The following KALRN variants were observed in gnomAD, a reference collection of about 807,000 sequenced individuals.
The protein encoded by KALRN is kalirin.
Under a neutral mutation model 353.7 loss-of-function variants are expected in KALRN, and 70 were observed. The ratio of observed to expected loss-of-function variants is 0.20; its 90% CI spans 0.16 to 0.24. The LOEUF is 0.24. Ranked by LOEUF, KALRN falls within the 10% of genes least tolerant of loss-of-function variation. The pLI is 1.00. For synonymous variants in KALRN, 1,391 were observed against 1,434.8 expected, an observed-to-expected ratio of 0.97 and a Z score of 0.69; for missense variants, 2,791 against 3,756.7, an observed-to-expected ratio of 0.74 and a Z score of 6.72.
intron 43 of KALRN, among the ~76,000 whole-genome samples, chr3:124,660,041 C>T (rs575499959): frequency 6.6e-6 from 1 of 152,068 alleles, no homozygotes; most frequent in East Asian, 1.9e-4. Context: ...AAGCGATTCT[C>T]CCTTCTCAGC....
chr3:124,726,062 A>C lies in KALRN; in HGVS notation c.*6592A>C, dbSNP rs999854906. On this transcript the variant is annotated 3_prime_UTR_variant, in exon 60 of 60. Transcript: ENST00000682506. Reference sequence around the variant, plus strand: ...TTTCAGTGTCTTGCTGGTCTGCCTTAAGTGTATCTTCTGGGTTTTTGGTTA... The same window carrying C: ...TTTCAGTGTCTTGCTGGTCTGCCTTCAGTGTATCTTCTGGGTTTTTGGTTA... 1 of 152,184 alleles carries C rather than the reference A, an allele frequency of 6.6e-6. No homozygotes were observed. Among genetic ancestry groups the C allele is most frequent in the African/African-American group, 2.4e-5 (1 of 41,440 alleles). The allele number at this position is 152,184 out of a possible 1,614,324, so 9.4% of individuals were successfully genotyped here. A position where few individuals can be genotyped will look rare whatever the true frequency, so the allele number is the denominator to read the frequency against.
chr3:124,351,079 T>C (rs1194810435), intron 10 of KALRN, among the ~76,000 whole-genome samples: 1 of 152,176 alleles, frequency 6.6e-6, no homozygotes, highest in African/African-American at 2.4e-5. Flanking sequence ...TGCTTTGTTC[T>C]GTACAACGTG....
chr3:124,089,372 T>G (rs1421894252), intron 1 of KALRN, among the ~76,000 whole-genome samples: 1 of 152,148 alleles, frequency 6.6e-6, no homozygotes, highest in African/African-American at 2.4e-5. Context: ...ACTGGCAACT[T>G]AGCTTCCTGA....
At chr3:124,300,293 G>T (rs1456383162) in intron 6 of KALRN, among the ~76,000 whole-genome samples, 1 of 152,212 alleles carries the variant, frequency 6.6e-6, no homozygotes, top group Non-Finnish European at 1.5e-5. Flanking sequence ...TATGTGCAGT[G>T]ATAGAGATAT....
intron 33 of KALRN, among the ~76,000 whole-genome samples, chr3:124,538,316 G>A (rs1198024256): frequency 2.0e-5 from 3 of 152,064 alleles, no homozygotes; most frequent in African/African-American, 7.2e-5. Context: ...CAGAGGCAGA[G>A]ACAGAGACAG....
In KALRN at chr3:124,326,118, G is replaced by C; in HGVS notation, c.1231G>C (p.Glu411Gln). ...GAAGAGCTTCGCTGCTGCCCTGGATGAACGCAGCACCATCCTCGCCATGTC... is the reference window on the plus strand; with the variant it reads ...GAAGAGCTTCGCTGCTGCCCTGGATCAACGCAGCACCATCCTCGCCATGTC... ...EWKSFAAALD[E>Q]RSTILAMSAV... is the part of the protein sequence containing the mutation. The change falls in exon 7 of 60, where the codon GAA (glutamate) becomes CAA (glutamine). Residue 411 changes from glutamate to glutamine, a missense_variant. Transcript: ENST00000682506. The C allele has an allele frequency of 6.2e-7, 1 of 1,613,946 alleles. No homozygotes were observed.
At chr3:124,349,458 A>AT (rs201588187) in intron 10 of KALRN, among the ~76,000 whole-genome samples, 33 of 151,218 alleles carry the variant, frequency 2.2e-4, no homozygotes, top group African/African-American at 5.1e-4. Flanking sequence ...TTTTTTTGCA[A>AT]TTTTTTTTTA....
intron 1 of KALRN, among the ~76,000 whole-genome samples, chr3:124,176,398 A>G (rs986870734): frequency 6.6e-6 from 1 of 152,108 alleles, no homozygotes; most frequent in Admixed American, 6.5e-5. Flanking sequence ...AAAATCCTGG[A>G]TTGGCTTCTC....
At chr3:124,714,725 G>T (rs2063051777) in intron 58 of KALRN, among the ~76,000 whole-genome samples, 3 of 152,300 alleles carry the variant, frequency 2.0e-5, no homozygotes. Flanking sequence ...TAGTTTATAG[G>T]GGGAAAAGGG....
intron 1 of KALRN, among the ~76,000 whole-genome samples, chr3:124,146,608 T>C (rs1033186852): frequency 2.0e-5 from 3 of 152,040 alleles, no homozygotes; most frequent in African/African-American, 7.2e-5. Flanking sequence ...CCAGGCTCAG[T>C]GTCTCACGCC....
chr3:124,623,236 C>T (rs747128435), intron 34 of KALRN, among the ~76,000 whole-genome samples: 2 of 151,684 alleles, frequency 1.3e-5, no homozygotes, highest in East Asian at 1.9e-4. Context: ...CCTCCTGCCT[C>T]GGATTGCTGG....
chr3:124,482,023 C>A (rs1298905401), intron 27 of KALRN, among the ~76,000 whole-genome samples: 1 of 152,238 alleles, frequency 6.6e-6, no homozygotes, highest in East Asian at 1.9e-4. Flanking sequence ...AGTAGAAGAT[C>A]ATTTTGGAGG....
At chr3:124,343,512 C>T (rs536991666) in intron 9 of KALRN, among the ~76,000 whole-genome samples, 1 of 152,188 alleles carries the variant, frequency 6.6e-6, no homozygotes, top group Non-Finnish European at 1.5e-5. Flanking sequence ...ATCCTCCTTG[C>T]AGCCCTTCAG....
chr3:124,179,291 CT>C (rs549126959), intron 1 of KALRN, among the ~76,000 whole-genome samples: 26 of 151,306 alleles, frequency 1.7e-4, no homozygotes, highest in Admixed American at 3.3e-4. Flanking sequence ...ACTTTTAAAA[CT>C]TTTTTTTTAA....
chr3:124,039,468 A>C (rs1254266643), intron 1 of KALRN, among the ~76,000 whole-genome samples: 3 of 152,180 alleles, frequency 2.0e-5, no homozygotes, highest in Non-Finnish European at 2.9e-5. Flanking sequence ...ATCAAAAAAC[A>C]CCCCCTCACA....
intron 1 of KALRN, among the ~76,000 whole-genome samples, chr3:124,051,405 C>T (rs2041031468): frequency 6.6e-6 from 1 of 152,218 alleles, no homozygotes; most frequent in African/African-American, 2.4e-5. Flanking sequence ...CAAGTCTCTT[C>T]AACTTTCAAC....
intron 5 of KALRN, among the ~76,000 whole-genome samples, chr3:124,285,287 T>A (rs1161055555): frequency 6.6e-6 from 1 of 152,160 alleles, no homozygotes; most frequent in Non-Finnish European, 1.5e-5. Context: ...GAGTCTATCA[T>A]GTCCCATTTT....
At chr3:124,319,207 T>C (rs2079082780) in intron 6 of KALRN, among the ~76,000 whole-genome samples, 1 of 151,920 alleles carries the variant, frequency 6.6e-6, no homozygotes, top group Non-Finnish European at 1.5e-5. Context: ...ACCAAATGCC[T>C]ATAATCCCAG....
At chr3:124,634,214 G>T (rs1482069547) in intron 36 of KALRN, among the ~76,000 whole-genome samples, 2 of 152,002 alleles carry the variant, frequency 1.3e-5, no homozygotes, top group African/African-American at 4.8e-5. Flanking sequence ...TGTTGATAAA[G>T]GGTAATGGCT....
Sources: allele counts gnomAD v4.1 joint callset (sites outside exome capture counted in the v4.1 genomes callset), GRCh38; gene constraint gnomAD v4.1.1; transcripts MANE v1.5; gene names NCBI Gene and HGNC (gene_info 2026-07-23, HGNC 2026-07-21).